FAM151A: variants seen among roughly 807,000 people sequenced by gnomAD.
The protein encoded by FAM151A is family with sequence similarity 151 member A.
A neutral mutation model predicts 40.4 loss-of-function variants in FAM151A; 41 were observed. The observed-to-expected ratio is 1.01, with a 90% confidence interval of 0.79 to 1.32. The LOEUF is 1.32. FAM151A is among the 40% of genes most tolerant of loss of function. The pLI is 0.00. For synonymous variants in FAM151A, 337 were observed against 312.5 expected (o/e 1.08, Z -0.83); for missense variants, 740 against 740.4 (o/e 1.00, Z 0.01).
Position 54,616,020 on chromosome 1 carries a change from C to A in FAM151A, c.415G>T (p.Gly139Cys), listed in dbSNP as rs778478162. 3 of 1,613,642 alleles carry A rather than the reference C, an allele frequency of 1.9e-6. No individual in the cohort carries two copies. In the South Asian group the frequency reaches 3.3e-5, roughly 18 times the overall value. ...AGAGGGTTTCCAGAGAGGCCCTTAC[C>A]CTTTTGGGAAGAGCCCAGCACAGCG... ...LDAVLGSSQKGIKLDFKNIKA... is the reference protein window; with the variant it reads ...LDAVLGSSQKCIKLDFKNIKA... The change falls in exon 3 of 8, where the codon GGC becomes TGC. Residue 139 changes from glycine to cysteine, a missense_variant and splice_region_variant. Transcript: ENST00000302250.
intron 2 of FAM151A, 90 bp from the exon 3 acceptor site, chr1:54,616,262 T>A: frequency 8.7e-7 from 1 of 1,147,538 alleles, no homozygotes; most frequent in Non-Finnish European, 1.2e-6. Context: ...TTACAGAACA[T>A]TTGAGAAATA....
intron 1 of FAM151A, among the ~76,000 whole-genome samples, chr1:54,622,589 A>G (rs1385758427): frequency 6.6e-6 from 1 of 151,544 alleles, no homozygotes; most frequent in African/African-American, 2.4e-5. Flanking sequence ...ACCACAAAAA[A>G]TTAGCTGGGT....
In FAM151A at chr1:54,609,594, G is replaced by A; in HGVS notation, c.1432C>T (p.Pro478Ser). Reference protein sequence around the residue: ...AEVFPHVTVAPGWPEEVLGSG... With the variant: ...AEVFPHVTVASGWPEEVLGSG... ...CCCAGCACCTCCTCAGGCCAGCCTG[G>A]TGCCACAGTCACGTGGGGGAAGACC... Residue 478 changes from proline (P) to serine (S), a missense_variant, in exon 8 of 8, where the codon CCA (proline) becomes TCA (serine). Coordinates refer to ENST00000302250, the MANE Select transcript of FAM151A (RefSeq NM_176782.3). The A allele has an allele frequency of 6.2e-7, 1 of 1,613,230 alleles. No individual in the cohort carries two copies. Among genetic ancestry groups the A allele is most frequent in the Non-Finnish European group, 8.5e-7 (1 of 1,180,044 alleles).
At chr1:54,610,351 C>T in intron 7 of FAM151A, 61 bp downstream of exon 7, 2 of 1,583,752 alleles carry the variant, frequency 1.3e-6, no homozygotes. Flanking sequence ...GGTACCTGCC[C>T]CAAGCAAAGG....
At position 54,614,701 on chromosome 1, in the gene FAM151A, G is replaced by C. The variant is rs926066553; in HGVS notation, c.574C>G (p.Gln192Glu). The C allele has an allele frequency of 3.1e-6, 5 of 1,611,856 alleles. No individual in the cohort carries two copies. Among genetic ancestry groups the C allele is most frequent in the Admixed American group, 1.7e-5 (1 of 59,904 alleles). The stretch of plus-strand genomic sequence containing the variant: ...TGGGACAGAGAGGCGAACACTCACT[G>C]TGTGGCATTGACCTCAGTTGAGATG... ...MLISTEVNAT[Q>E]FLALVQEKYP... The change falls in exon 4 of 8, where the codon CAG (glutamine) becomes GAG (glutamate). Residue 192 changes from glutamine to glutamate, a missense_variant and splice_region_variant. Coordinates refer to ENST00000302250, the MANE Select transcript of FAM151A (RefSeq NM_176782.3).
rs1644251497 is a variant in FAM151A, at chr1:54,623,491, C to T, written c.-96G>A. Reference sequence around the variant, plus strand: ...TCCTGTGGGAGGCAGGAGCTCCCAGCAGCACCTAATTCTCCACCGGGCCTG... The same window carrying T: ...TCCTGTGGGAGGCAGGAGCTCCCAGTAGCACCTAATTCTCCACCGGGCCTG... On this transcript the variant is annotated 5_prime_UTR_variant, in exon 1 of 8. Coordinates refer to ENST00000302250, the MANE Select transcript of FAM151A (RefSeq NM_176782.3). 5.7e-6 allele frequency: 5 copies of T among 875,756 alleles called. No homozygotes were observed. The highest frequency in any genetic ancestry group is 9.4e-6 in the Non-Finnish European group (5 of 530,826). 54.2% of individuals were successfully genotyped at this position (875,756 alleles called of 1,614,324 possible). A position where few individuals can be genotyped will look rare whatever the true frequency, so the allele number is the denominator to read the frequency against.
chr1:54,619,961 G>A lies in FAM151A; in HGVS notation c.165C>T (p.Tyr55=), dbSNP rs1644213447. 2 of 1,614,176 alleles carry A rather than the reference G, an allele frequency of 1.2e-6. No individual in the cohort carries two copies. The highest frequency in any genetic ancestry group is 1.1e-5 in the South Asian group (1 of 91,080). ...GGCTGATCTGGCCCAGGCTCAGCAGGTAGTCCAGCATGTCGGCATCAGGGC... is the reference window on the plus strand; with the variant it reads ...GGCTGATCTGGCCCAGGCTCAGCAGATAGTCCAGCATGTCGGCATCAGGGC... ...ACSPDADMLD[Y]LLSLGQISRR... Residue 55 remains tyrosine (Y), a synonymous_variant, in exon 2 of 8, where the codon TAC becomes TAT. Coordinates refer to ENST00000302250, the MANE Select transcript of FAM151A (RefSeq NM_176782.3).
rs988427880 is a variant in FAM151A, at chr1:54,610,332, G to C, written c.1084+80C>G. 3.5e-5 allele frequency: 54 copies of C among 1,560,334 alleles called. 1 individual carries two copies. The Admixed American group carries it at 9.5e-4, about 28-fold the overall frequency. ...ATAAACCTGTGTTGCCATGGCAACA[G>C]AGACCGGCGGTACCTGCCCCAAGCA... On this transcript the variant is annotated intron_variant, in intron 7 of 7. Coordinates refer to ENST00000302250, the MANE Select transcript of FAM151A (RefSeq NM_176782.3).
At chr1:54,616,662 C>G (rs1204250839) in intron 2 of FAM151A, among the ~76,000 whole-genome samples, 1 of 152,148 alleles carries the variant, frequency 6.6e-6, no homozygotes, top group African/African-American at 2.4e-5. Context: ...CGTGAGCCAC[C>G]GTGCCCGGCC....
chr1:54,614,960 G>A, intron 3 of FAM151A, 101 bp from the exon 4 acceptor site: 1 of 1,202,624 alleles, frequency 8.3e-7, no homozygotes, highest in Non-Finnish European at 1.2e-6. Context: ...GTGTGCATGT[G>A]CGTGCACAGT....
Position 54,616,005 on chromosome 1 carries a change from CAG to C in FAM151A, c.415+13_415+14del, listed in dbSNP as rs1557671929. The C allele has an allele frequency of 6.2e-7, 1 of 1,612,668 alleles. No individual in the cohort carries two copies. The stretch of plus-strand genomic sequence containing the variant: ...AGGGCTGGGGGCCGGAGAGGGTTTC[CAG>C]AGAGGCCCTTACCCTTTTGGGAAGA... On this transcript the variant is annotated intron_variant, in intron 3 of 7. Coordinates refer to ENST00000302250, the MANE Select transcript of FAM151A (RefSeq NM_176782.3).
At chr1:54,610,950 A>G (rs1240823957) in intron 6 of FAM151A, 2 of 985,296 alleles carry the variant, frequency 2.0e-6, no homozygotes, top group East Asian at 2.3e-4. Context: ...TGCTTAATGA[A>G]TACAGTGGAG....
At chr1:54,617,146 C>A (rs1298327181) in intron 2 of FAM151A, among the ~76,000 whole-genome samples, 1 of 152,230 alleles carries the variant, frequency 6.6e-6, no homozygotes, top group African/African-American at 2.4e-5. Context: ...TTAACTCAAT[C>A]AGGTGGACAT....
chr1:54,610,389 CG>C (rs756770476), intron 7 of FAM151A, 22 bp downstream of exon 7: 3 of 1,608,614 alleles, frequency 1.9e-6, no homozygotes, highest in African/African-American at 1.3e-5. Context: ...CTGGGAGCAC[CG>C]GGGCTGAAGG....
chr1:54,619,839 CCTCAGTCTTGGCAG>C lies in FAM151A; in HGVS notation c.262+11_262+24del, dbSNP rs747952740. 14 of 1,611,786 alleles carry C rather than the reference CCTCAGTCTTGGCAG, an allele frequency of 8.7e-6. No individual in the cohort carries two copies. The East Asian group carries it at 3.1e-4, about 36-fold the overall frequency. ...CTTCTCTATCCCTTGCCCTGGCCTGCCTCAGTCTTGGCAGCTGGACTTACTGTTCAGGGCAGCTG... is the reference window on the plus strand; with the variant it reads ...CTTCTCTATCCCTTGCCCTGGCCTGCCTGGACTTACTGTTCAGGGCAGCTG... On this transcript the variant is annotated intron_variant, in intron 2 of 7. Transcript: ENST00000302250.
intron 7 of FAM151A, 83 bp from the exon 8 acceptor site, chr1:54,610,024 G>T: frequency 6.7e-7 from 1 of 1,485,254 alleles, no homozygotes; most frequent in Non-Finnish European, 8.9e-7. Context: ...GGGGCAGTGG[G>T]AGTTATGGGG....
rs773090202 is a variant in FAM151A, at chr1:54,616,072, A to G, written c.363T>C (p.Ser121=). The G allele has an allele frequency of 6.2e-7, 1 of 1,614,010 alleles. No homozygotes were observed. Among genetic ancestry groups the G allele is most frequent in the African/African-American group, 1.3e-5 (1 of 74,914 alleles). ...PIMAHPPTIY[S]DNTLEQWLDA... The stretch of plus-strand genomic sequence containing the variant: ...CCAGCCACTGCTCCAGTGTGTTGTC[A>G]CTGTAGATAGTGGGGGGGTGTGCCA... The change falls in exon 3 of 8, where the codon AGT becomes AGC. Residue 121 remains serine, a synonymous_variant. Transcript: ENST00000302250.
At chr1:54,611,866 C>T in intron 5 of FAM151A, 121 bp from the exon 6 acceptor site, 2 of 1,153,486 alleles carry the variant, frequency 1.7e-6, no homozygotes, top group Non-Finnish European at 2.5e-6. Context: ...TCCAGTCGCC[C>T]ACCTGCCACT....
rs1644154260 is a variant in FAM151A at position 54,614,815 on chromosome 1, G to C, written c.460C>G (p.Leu154Val). 4 of 1,614,144 alleles carry C rather than the reference G, an allele frequency of 2.5e-6. No homozygotes were observed. In the East Asian group the frequency reaches 6.7e-5, roughly 27 times the overall value. Residue 154 changes from leucine to valine, a missense_variant, in exon 4 of 8, where the codon CTG becomes GTG. Physicochemically the swap from Leu to Val is conservative, Grantham distance 32 (BLOSUM62 1). Transcript: ENST00000302250. ...TCTGTCAGCTGCCGCAGGAGGTCCA[G>C]GGAGGGGCCCACTGCCTTGATGTTC... The part of the protein sequence containing the change: ...FKNIKAVGPS[L>V]DLLRQLTEEG...
Sources: gnomAD v4.1 joint callset for allele counts (sites outside exome capture counted in the v4.1 genomes callset) on GRCh38, gnomAD v4.1.1 for gene constraint, MANE v1.5 for transcripts, NCBI Gene and HGNC (gene_info 2026-07-23, HGNC 2026-07-21) for gene names.